PLEKHA5: variants seen among roughly 807,000 people sequenced by gnomAD.
PLEKHA5 encodes pleckstrin homology domain containing A5.
Under a neutral mutation model 181.9 loss-of-function variants are expected in PLEKHA5, and 55 were observed. That is an observed-to-expected ratio of 0.30 (90% CI 0.24 to 0.38). The LOEUF (loss-of-function observed/expected upper bound fraction) is 0.38, where lower values mean the gene tolerates loss of function less well. Among genes scored for constraint, PLEKHA5 ranks in the 10% least tolerant of loss-of-function variants. PLEKHA5 has a pLI of 1.00. For missense variants in PLEKHA5, 1,432 were observed against 1,549.5 expected (o/e 0.92, Z 1.27); for synonymous variants, 535 against 529.4 (o/e 1.01, Z -0.15).
chr12:19,132,923 CT>C (rs35045706), intron 3 of PLEKHA5, among the ~76,000 whole-genome samples: 26,806 of 118,106 alleles, frequency 0.23, 5,265 homozygotes, highest in African/African-American at 0.54. Context: ...ACGTGAACAT[CT>C]TTTTTTTTTT....
intron 25 of PLEKHA5, among the ~76,000 whole-genome samples, chr12:19,350,955 CTTT>C (rs35006570): frequency 3.6e-5 from 4 of 112,532 alleles, no homozygotes; most frequent in Non-Finnish European, 5.3e-5. Flanking sequence ...TATTCAAAGT[CTTT>C]TTTTTTTTTT....
At chr12:19,230,710 G>A (rs971998203) in intron 3 of PLEKHA5, among the ~76,000 whole-genome samples, 3 of 152,082 alleles carry the variant, frequency 2.0e-5, no homozygotes, top group African/African-American at 7.2e-5. Flanking sequence ...AGCGCTACGT[G>A]CACCCCGGTT....
At chr12:19,291,390 T>G (rs1490318549) in intron 14 of PLEKHA5, among the ~76,000 whole-genome samples, 1 of 152,216 alleles carries the variant, frequency 6.6e-6, no homozygotes, top group African/African-American at 2.4e-5. Flanking sequence ...CTAAAGCTAT[T>G]TTAAGGAATT....
intron 26 of PLEKHA5, among the ~76,000 whole-genome samples, chr12:19,354,848 T>G (rs189645371): frequency 6.6e-6 from 1 of 152,216 alleles, no homozygotes; most frequent in African/African-American, 2.4e-5. Flanking sequence ...TTTAAGTTTC[T>G]TTTGATCAGC....
intron 3 of PLEKHA5, among the ~76,000 whole-genome samples, chr12:19,135,680 A>G (rs1004274373): frequency 6.6e-6 from 1 of 152,160 alleles, no homozygotes; most frequent in South Asian, 2.1e-4. Flanking sequence ...ATGTAAACAG[A>G]TAGTACTGCT....
At position 19,257,529 on chromosome 12, in the gene PLEKHA5, T is replaced by C. The variant is rs755081147; in HGVS notation, c.529T>C (p.Tyr177His). The change falls in exon 6 of 32, where the codon TAT (tyrosine) becomes CAT (histidine). Residue 177 changes from tyrosine (Y) to histidine (H), a missense_variant. Transcript: ENST00000429027. ...ACCGGTTGTCAGACGAGGTTGGCTT[T>C]ATAAACAGGTATTTTTTTTTTTTTG... ...NAPVVRRGWL[Y>H]KQDSTGMKLW... 1 of 1,546,574 alleles carries C rather than the reference T, an allele frequency of 6.5e-7. No homozygotes were observed. The highest frequency in any genetic ancestry group is 2.3e-5 in the East Asian group (1 of 44,410).
chr12:19,265,132 A>G (rs2069896894), intron 7 of PLEKHA5, among the ~76,000 whole-genome samples: 2 of 152,244 alleles, frequency 1.3e-5, no homozygotes, highest in South Asian at 4.1e-4. Flanking sequence ...TTTATATAGC[A>G]TAGTTCAAAT....
chr12:19,133,184 A>C (rs1281182764), intron 3 of PLEKHA5, among the ~76,000 whole-genome samples: 1 of 152,034 alleles, frequency 6.6e-6, no homozygotes, highest in Non-Finnish European at 1.5e-5. Flanking sequence ...GTAGAGCTTG[A>C]GAGAAAAGAT....
chr12:19,329,111 T>C (rs768529935), intron 20 of PLEKHA5, among the ~76,000 whole-genome samples: 14 of 152,346 alleles, frequency 9.2e-5, no homozygotes, highest in Non-Finnish European at 1.3e-4. Context: ...GTTTTTTGTT[T>C]TTTATTCTGT....
Position 19,341,742 on chromosome 12 carries a change from T to A in PLEKHA5, c.2551-1581T>A, listed in dbSNP as rs561469869. Among the ~76,000 whole-genome samples, 4 of 150,470 alleles carry A rather than the reference T, an allele frequency of 2.7e-5. No individual in the cohort carries two copies. The South Asian group carries it at 8.5e-4, about 32-fold the overall frequency. ...GACTTTGAAAACATATTGCTTTTTT[T>A]TTCCCCCTGTGACAGAGTCTCACTC... On this transcript the variant is annotated intron_variant, in intron 21 of 31. Transcript: ENST00000429027.
intron 23 of PLEKHA5, among the ~76,000 whole-genome samples, chr12:19,346,254 A>G (rs1273944531): frequency 6.6e-6 from 1 of 152,228 alleles, no homozygotes; most frequent in Non-Finnish European, 1.5e-5. Flanking sequence ...AGAAATTACA[A>G]CTACAAAGAG....
intron 26 of PLEKHA5, among the ~76,000 whole-genome samples, chr12:19,355,551 G>T (rs77867928): frequency 6.6e-6 from 1 of 151,206 alleles, no homozygotes; most frequent in African/African-American, 2.4e-5. Flanking sequence ...TAGTGACGGG[G>T]TCTCTCTCTG....
intron 10 of PLEKHA5, among the ~76,000 whole-genome samples, chr12:19,271,924 C>CT (rs1729033936): frequency 6.6e-6 from 1 of 152,164 alleles, no homozygotes; most frequent in East Asian, 1.9e-4. Context: ...TTATCCCACT[C>CT]TATTAGATTT....
chr12:19,213,911 T>A (rs1457818575), intron 3 of PLEKHA5, among the ~76,000 whole-genome samples: 1 of 152,182 alleles, frequency 6.6e-6, no homozygotes. Flanking sequence ...AGATAGGATA[T>A]TCTTTTTGTT....
intron 16 of PLEKHA5, among the ~76,000 whole-genome samples, chr12:19,319,352 T>TTTGGAATA (rs2090024609): frequency 6.6e-6 from 1 of 152,204 alleles, no homozygotes; most frequent in South Asian, 2.1e-4. Context: ...GGATTTATTG[T>TTTGGAATA]ATGTTTGGAA....
chr12:19,169,360 C>A (rs1009651458), intron 3 of PLEKHA5, among the ~76,000 whole-genome samples: 1 of 152,096 alleles, frequency 6.6e-6, no homozygotes, highest in Non-Finnish European at 1.5e-5. Flanking sequence ...TGAAAGGAAT[C>A]TGAGCCCTTT....
intron 3 of PLEKHA5, among the ~76,000 whole-genome samples, chr12:19,240,256 T>C (rs907031289): frequency 3.9e-5 from 6 of 152,060 alleles, no homozygotes; most frequent in Non-Finnish European, 7.4e-5. Flanking sequence ...TCTCTTTAAA[T>C]TGTGTGGCAA....
intron 3 of PLEKHA5, among the ~76,000 whole-genome samples, chr12:19,170,711 C>T (rs1374241974): frequency 1.3e-5 from 2 of 152,236 alleles, no homozygotes; most frequent in African/African-American, 4.8e-5. Flanking sequence ...AGCCACCGTG[C>T]CCAGCCTCTC....
Position 19,274,904 on chromosome 12 carries a change from C to T in PLEKHA5, c.1234C>T (p.Gln412Ter). 6.2e-7 allele frequency: 1 copy of T among 1,613,884 alleles called. No individual in the cohort carries two copies. ...PLYTEADRVI[Q>*]RTNSMQQLEQ... ...ATACACAGAGGCCGATCGAGTCATA[C>T]AGAGAACAAATTCAATGCAGCAGTT... Residue 412 changes from glutamine (Q) to a stop codon, truncating the protein, a stop_gained, in exon 11 of 32, where the codon CAG (glutamine) becomes TAG (stop). Transcript: ENST00000429027. LOFTEE classifies it high-confidence loss of function.
Sources: allele counts gnomAD v4.1 joint callset (sites outside exome capture counted in the v4.1 genomes callset), GRCh38; gene constraint gnomAD v4.1.1; transcripts MANE v1.5; gene names NCBI Gene and HGNC (gene_info 2026-07-23, HGNC 2026-07-21).